SEMA5A: variants seen among roughly 807,000 people sequenced by gnomAD.
The protein encoded by SEMA5A is semaphorin-5A.
In SEMA5A, 55 loss-of-function variants were observed where a neutral mutation model predicts 135.5. That is an observed-to-expected ratio of 0.41 (90% CI 0.33 to 0.51). SEMA5A has a LOEUF of 0.51. SEMA5A is among the 20% of genes least tolerant of loss of function. SEMA5A has a pLI of 0.37. For missense variants in SEMA5A, 1,290 were observed against 1,419.9 expected (o/e 0.91, Z 1.47); for synonymous variants, 580 against 546.5 (o/e 1.06, Z -0.85).
chr5:9,154,391 G>A (rs1213809374), intron 12 of SEMA5A, 97 bp downstream of exon 12: 2 of 1,080,084 alleles, frequency 1.9e-6, no homozygotes, highest in Non-Finnish European at 2.7e-6. Flanking sequence ...GTGGCTCTGA[G>A]GCCATTCAAC....
intron 8 of SEMA5A, among the ~76,000 whole-genome samples, chr5:9,214,291 A>G (rs189351906): frequency 1.3e-3 from 199 of 152,264 alleles, no homozygotes; most frequent in African/African-American, 4.6e-3. Flanking sequence ...GAACCCACAA[A>G]GGCTTCCAGA....
intron 2 of SEMA5A, among the ~76,000 whole-genome samples, chr5:9,398,982 C>T (rs1756528181): frequency 6.6e-6 from 1 of 152,096 alleles, no homozygotes; most frequent in Admixed American, 6.5e-5. Context: ...AAAGAAAACG[C>T]CACATTTTTT....
In SEMA5A at chr5:9,454,091, G is replaced by A. The variant is rs79633490; in HGVS notation, c.-174-16239C>T. Among the ~76,000 whole-genome samples the A allele has an allele frequency of 3.5e-3, 538 of 152,294 alleles. 4 individuals carry two copies. Among genetic ancestry groups the A allele is most frequent in the African/African-American group, 0.012 (502 of 41,568 alleles). On this transcript the variant is annotated intron_variant, in intron 1 of 22. Coordinates refer to ENST00000382496, the MANE Select transcript of SEMA5A (RefSeq NM_003966.3). ...CTGTCTAGCACTAGCCACCCTGGGCGGAGACCTTTCTGAAGTCATCCTGGA... is the reference window on the plus strand; with the variant it reads ...CTGTCTAGCACTAGCCACCCTGGGCAGAGACCTTTCTGAAGTCATCCTGGA...
chr5:9,272,893 C>T (rs1042819854), intron 5 of SEMA5A, among the ~76,000 whole-genome samples: 3 of 152,098 alleles, frequency 2.0e-5, no homozygotes, highest in African/African-American at 4.8e-5. Flanking sequence ...GATAAATCCA[C>T]GAAGATGGGG....
chr5:9,404,288 A>G (rs1336736520), intron 2 of SEMA5A, among the ~76,000 whole-genome samples: 3 of 152,028 alleles, frequency 2.0e-5, no homozygotes, highest in Non-Finnish European at 4.4e-5. Context: ...TTTCCCACCT[A>G]TGAAATCTAC....
intron 16 of SEMA5A, among the ~76,000 whole-genome samples, chr5:9,086,221 G>A (rs1738678051): frequency 6.6e-6 from 1 of 152,106 alleles, no homozygotes; most frequent in African/African-American, 2.4e-5. Context: ...GGGGACTGTT[G>A]GGAAGGTATG....
intron 8 of SEMA5A, among the ~76,000 whole-genome samples, chr5:9,208,680 G>C (rs866055724): frequency 3.3e-5 from 5 of 152,206 alleles, no homozygotes; most frequent in African/African-American, 1.2e-4. Context: ...TGAAGCCACA[G>C]TCAGGATCAA....
chr5:9,505,523 T>G (rs1450367267), intron 1 of SEMA5A, among the ~76,000 whole-genome samples: 5 of 152,184 alleles, frequency 3.3e-5, no homozygotes, highest in Admixed American at 2.6e-4. Flanking sequence ...GCTTCTTGAT[T>G]GAATGCTACA....
intron 1 of SEMA5A, among the ~76,000 whole-genome samples, chr5:9,516,314 G>A (rs1328291942): frequency 2.0e-5 from 3 of 152,016 alleles, no homozygotes; most frequent in African/African-American, 4.8e-5. Flanking sequence ...TGCTGTCCAT[G>A]AAGAGCAGGA....
chr5:9,544,412 A>T (rs1229646753), intron 1 of SEMA5A, among the ~76,000 whole-genome samples: 4 of 152,220 alleles, frequency 2.6e-5, no homozygotes, highest in African/African-American at 9.6e-5. Context: ...TCTCTGGAAG[A>T]GACCTTTCTA....
At chr5:9,467,119 C>CT (rs377123678) in intron 1 of SEMA5A, among the ~76,000 whole-genome samples, 4,289 of 149,902 alleles carry the variant, frequency 0.029, 193 homozygotes, top group African/African-American at 0.095. Context: ...ATGAATTGTT[C>CT]TTTTTTTTTT....
chr5:9,268,605 C>T (rs1749801486), intron 5 of SEMA5A, among the ~76,000 whole-genome samples: 1 of 152,064 alleles, frequency 6.6e-6, no homozygotes, highest in Non-Finnish European at 1.5e-5. Flanking sequence ...ACTACTGCCC[C>T]CAGGCCATAA....
At chr5:9,452,639 CT>C (rs1172412560) in intron 1 of SEMA5A, among the ~76,000 whole-genome samples, 1 of 152,178 alleles carries the variant, frequency 6.6e-6, no homozygotes, top group Non-Finnish European at 1.5e-5. Context: ...CCAAACAAAA[CT>C]TTCTTTTAGC....
At chr5:9,129,506 G>T (rs781003496) in intron 13 of SEMA5A, among the ~76,000 whole-genome samples, 4 of 152,206 alleles carry the variant, frequency 2.6e-5, no homozygotes, top group African/African-American at 9.7e-5. Flanking sequence ...GAGTATATTC[G>T]TGTAAGAATC....
chr5:9,458,002 G>A (rs1487144518), intron 1 of SEMA5A, among the ~76,000 whole-genome samples: 2 of 149,168 alleles, frequency 1.3e-5, no homozygotes, highest in Admixed American at 6.7e-5. Context: ...CCGCCTCCCG[G>A]GTTCATGCCA....
chr5:9,353,087 AG>A (rs1173174532), intron 3 of SEMA5A, among the ~76,000 whole-genome samples: 1 of 15,264 alleles, frequency 6.6e-5, no homozygotes, highest in Non-Finnish European at 1.4e-4. Context: ...AGGAAAGGAA[AG>A]GAAAGGAAGG....
chr5:9,195,797 A>G (rs1745356447), intron 10 of SEMA5A, among the ~76,000 whole-genome samples: 2 of 152,254 alleles, frequency 1.3e-5, no homozygotes, highest in Non-Finnish European at 1.5e-5. Context: ...AATCAAAGTA[A>G]AGTATAAAAT....
At chr5:9,164,208 T>C (rs1743478588) in intron 11 of SEMA5A, among the ~76,000 whole-genome samples, 1 of 141,304 alleles carries the variant, frequency 7.1e-6, no homozygotes, top group African/African-American at 2.6e-5. Flanking sequence ...TTATATAATT[T>C]ATATAATTAT....
At chr5:9,524,028 G>T (rs1736982345) in intron 1 of SEMA5A, among the ~76,000 whole-genome samples, 1 of 152,230 alleles carries the variant, frequency 6.6e-6, no homozygotes, top group African/African-American at 2.4e-5. Flanking sequence ...GGAGAGGCCT[G>T]GTGGGAGGTG....
Sources: gnomAD v4.1 joint callset for allele counts (sites outside exome capture counted in the v4.1 genomes callset) on GRCh38, gnomAD v4.1.1 for gene constraint, MANE v1.5 for transcripts, NCBI Gene and HGNC (gene_info 2026-07-23, HGNC 2026-07-21) for gene names.